GABRG2: variants seen among roughly 807,000 people sequenced by gnomAD.
The protein encoded by GABRG2 is gamma-aminobutyric acid type A receptor subunit gamma2, also known as gamma-aminobutyric acid receptor subunit gamma-2.
Under a neutral mutation model 56.4 loss-of-function variants are expected in GABRG2, and 16 were observed. The observed-to-expected ratio is 0.28, with a 90% CI of 0.19 to 0.43. The LOEUF is 0.43. Ranked by LOEUF, GABRG2 falls within the 20% of genes least tolerant of loss-of-function variation. GABRG2 has a pLI of 1.00. For synonymous variants in GABRG2, 208 were observed against 205.5 expected, an observed-to-expected ratio of 1.01 and a Z score of -0.10; for missense variants, 327 against 582.7, an observed-to-expected ratio of 0.56 and a Z score of 4.52.
At chr5:162,132,399 C>A (rs895210985) in intron 6 of GABRG2, among the ~76,000 whole-genome samples, 2 of 151,934 alleles carry the variant, frequency 1.3e-5, no homozygotes, top group Non-Finnish European at 2.9e-5. Context: ...GTTCTTTCAA[C>A]ACATCACAAA....
intron 6 of GABRG2, among the ~76,000 whole-genome samples, chr5:162,125,833 G>A (rs73316328): frequency 6.6e-6 from 1 of 151,826 alleles, no homozygotes; most frequent in Non-Finnish European, 1.5e-5. Context: ...ATAGACAAAG[G>A]TCTCCATAAA....
chr5:162,102,828 CT>C (rs1561644817), intron 5 of GABRG2: 3 of 228,948 alleles, frequency 1.3e-5, no homozygotes, highest in East Asian at 1.0e-4. Flanking sequence ...GGGACTCTCT[CT>C]TTTTTTTCCT....
chr5:162,130,584 C>G (rs529250889), intron 6 of GABRG2, among the ~76,000 whole-genome samples: 1 of 151,838 alleles, frequency 6.6e-6, no homozygotes, highest in Non-Finnish European at 1.5e-5. Context: ...TCTACTAATA[C>G]GCTTATTTCT....
intron 6 of GABRG2, among the ~76,000 whole-genome samples, chr5:162,129,042 T>C (rs929638689): frequency 1.3e-5 from 2 of 152,058 alleles, no homozygotes; most frequent in African/African-American, 4.8e-5. Context: ...TTATTTACTT[T>C]AAAGTGATAG....
chr5:162,067,888 G>C lies in GABRG2; in HGVS notation c.-112G>C, dbSNP rs1758336420. On this transcript the variant is annotated 5_prime_UTR_variant, in exon 1 of 10. Coordinates refer to ENST00000639213, the MANE Select transcript of GABRG2 (RefSeq NM_198904.4). ...CATCTCCCCAGTGAAGGACCTACTA[G>C]AGGCAGGTGGGGGGAGCCACCATCA... The C allele has an allele frequency of 1.3e-6, 1 of 757,912 alleles. No individual in the cohort carries two copies. 46.9% of individuals were successfully genotyped at this position (757,912 alleles called of 1,614,324 possible).
At position 162,155,292 on chromosome 5, in the gene GABRG2, T is replaced by A. The variant is rs1331735581; in HGVS notation, c.*1924T>A. 1 of 152,530 alleles carries A rather than the reference T, an allele frequency of 6.6e-6. No homozygotes were observed. The highest frequency in any genetic ancestry group is 2.4e-5 in the African/African-American group (1 of 41,436). 9.4% of individuals were successfully genotyped at this position (152,530 alleles called of 1,614,324 possible). On this transcript the variant is annotated 3_prime_UTR_variant, in exon 10 of 10. Coordinates refer to ENST00000639213, the MANE Select transcript of GABRG2 (RefSeq NM_198904.4). ...AATGTTGACTCTTTGGGAGAGTTGT[T>A]GGCAAGTTTCAATGGTGAGAAACAT...
chr5:162,153,505 T>G lies in GABRG2; in HGVS notation c.*137T>G, dbSNP rs145318600. On this transcript the variant is annotated 3_prime_UTR_variant, in exon 10 of 10. Coordinates refer to ENST00000639213, the MANE Select transcript of GABRG2 (RefSeq NM_198904.4). ...TTTCTATGTCCAAACCTGGTAAATT[T>G]TATAATGTCATATTGTTTGTGCCCA... 57 of 1,084,612 alleles carry G rather than the reference T, an allele frequency of 5.3e-5. No individual in the cohort carries two copies. In the African/African-American group the frequency reaches 7.8e-4, roughly 15 times the overall value. 67.2% of individuals were successfully genotyped at this position (1,084,612 alleles called of 1,614,324 possible).
chr5:162,103,708 C>A, intron 5 of GABRG2, 181 bp from the exon 6 acceptor site: 1 of 648,542 alleles, frequency 1.5e-6, no homozygotes, highest in Non-Finnish European at 2.7e-6. Context: ...TCTAACTTCC[C>A]ATTAGGATGC....
intron 6 of GABRG2, among the ~76,000 whole-genome samples, chr5:162,128,923 A>C (rs1204785610): frequency 6.6e-6 from 1 of 151,982 alleles, no homozygotes; most frequent in African/African-American, 2.4e-5. Flanking sequence ...CTGGGTATAT[A>C]ATTTCAACTC....
intron 1 of GABRG2, among the ~76,000 whole-genome samples, chr5:162,070,203 G>T (rs967303865): frequency 6.6e-6 from 1 of 152,014 alleles, no homozygotes; most frequent in Non-Finnish European, 1.5e-5. Flanking sequence ...TTTTTTAAAA[G>T]AGCTCTATAA....
chr5:162,105,963 C>T (rs1236789978), intron 6 of GABRG2, among the ~76,000 whole-genome samples: 1 of 151,956 alleles, frequency 6.6e-6, no homozygotes, highest in Non-Finnish European at 1.5e-5. Context: ...CCCACAAACT[C>T]GTGACTAGAA....
At chr5:162,110,514 A>T (rs1762177978) in intron 6 of GABRG2, among the ~76,000 whole-genome samples, 1 of 152,120 alleles carries the variant, frequency 6.6e-6, no homozygotes, top group Non-Finnish European at 1.5e-5. Flanking sequence ...TGTCCTTGGT[A>T]AGGAGACATG....
chr5:162,147,212 CCTTCTTTCTTTCTCTTTCTTT>C (rs1445297394), intron 7 of GABRG2, among the ~76,000 whole-genome samples: 1 of 150,384 alleles, frequency 6.6e-6, no homozygotes, highest in Non-Finnish European at 1.5e-5. Context: ...TTTCTTTCTT[CCTTCTTTCTTTCTCTTTCTTT>C]CTTCTTTCTT....
chr5:162,139,662 A>T (rs1182767171), intron 6 of GABRG2, among the ~76,000 whole-genome samples: 1 of 152,240 alleles, frequency 6.6e-6, no homozygotes. Flanking sequence ...TAAAAGTGCC[A>T]GATCATTAAT....
At position 162,144,321 on chromosome 5, in the gene GABRG2, TC is replaced by T. The variant is rs1292088249; in HGVS notation, c.922+2006del. 5.9e-5 allele frequency among the ~76,000 whole-genome samples: 9 copies of T among 152,202 alleles called. No homozygotes were observed. In the South Asian group the frequency reaches 1.4e-3, roughly 25 times the overall value. ...AACATTTTAAGGAAGAGATTTCCAA[TC>T]AATCTGTCCTCTTGAAGCCTGGATT... On this transcript the variant is annotated intron_variant, in intron 7 of 9. Coordinates refer to ENST00000639213, the MANE Select transcript of GABRG2 (RefSeq NM_198904.4).
intron 1 of GABRG2, among the ~76,000 whole-genome samples, chr5:162,071,415 A>C (rs1758664313): frequency 6.6e-6 from 1 of 151,930 alleles, no homozygotes; most frequent in African/African-American, 2.4e-5. Flanking sequence ...TTATTTTTCA[A>C]GGATAAATTG....
intron 6 of GABRG2, among the ~76,000 whole-genome samples, chr5:162,105,447 TGAGA>T: frequency 6.8e-6 from 1 of 147,132 alleles, no homozygotes; most frequent in South Asian, 2.2e-4. Context: ...TTTTTTTTTT[TGAGA>T]AGGAGTCTCG....
At chr5:162,122,851 A>T (rs1288835324) in intron 6 of GABRG2, among the ~76,000 whole-genome samples, 1 of 151,750 alleles carries the variant, frequency 6.6e-6, no homozygotes, top group Non-Finnish European at 1.5e-5. Context: ...TTTGTAAAGC[A>T]AATAAGAAAA....
At chr5:162,115,449 G>A (rs374207703) in intron 6 of GABRG2, among the ~76,000 whole-genome samples, 43 of 152,160 alleles carry the variant, frequency 2.8e-4, no homozygotes, top group South Asian at 6.2e-4. Context: ...TGTCTGTCCC[G>A]TGTGGAGATC....
Sources: gnomAD v4.1 joint callset for allele counts (sites outside exome capture counted in the v4.1 genomes callset) on GRCh38, gnomAD v4.1.1 for gene constraint, MANE v1.5 for transcripts, NCBI Gene and HGNC (gene_info 2026-07-23, HGNC 2026-07-21) for gene names.